Variants in RASGEF1C observed in about 807,000 individuals in gnomAD.
RASGEF1C encodes RasGEF domain family member 1C.
RASGEF1C carries 27 observed loss-of-function variants against 58.1 expected under a neutral mutation model. That is an observed-to-expected ratio of 0.46 (90% CI 0.34 to 0.64). RASGEF1C has a LOEUF of 0.64. Among genes scored for constraint, RASGEF1C ranks in the 30% least tolerant of loss-of-function variants. The pLI, the probability that RASGEF1C is intolerant of heterozygous loss-of-function variation, is 0.01. For missense variants in RASGEF1C, 502 were observed against 605.1 expected (o/e 0.83, Z 1.79); for synonymous variants, 243 against 246.3 (o/e 0.99, Z 0.13).
intron 1 of RASGEF1C, among the ~76,000 whole-genome samples, chr5:180,185,742 G>A (rs1756024252): frequency 6.6e-6 from 1 of 152,004 alleles, no homozygotes; most frequent in Non-Finnish European, 1.5e-5. Context: ...ACAAAAAATA[G>A]ATAACCTGAA....
Position 180,114,506 on chromosome 5 carries a change from G to A in RASGEF1C, c.1119C>T (p.Asp373=), listed in dbSNP as rs780173570. The A allele has an allele frequency of 1.9e-6, 3 of 1,612,582 alleles. No individual in the cohort carries two copies. Among genetic ancestry groups the A allele is most frequent in the African/African-American group, 2.7e-5 (2 of 74,898 alleles). Residue 373 remains aspartate (D), a synonymous_variant, in exon 11 of 14, where the codon GAC becomes GAT. Coordinates refer to ENST00000361132, the MANE Select transcript of RASGEF1C (RefSeq NM_175062.4). The part of the protein sequence containing the change: ...VIPFFSLLIK[D]IYFLNEGCAN... The stretch of plus-strand genomic sequence containing the variant: ...CGCAGCCCTCATTCAGGAAGTAGAT[G>A]TCTTTGATGAGCAGGCTGAAGAAAG...
chr5:180,171,139 C>T (rs992913569), intron 1 of RASGEF1C, among the ~76,000 whole-genome samples: 2 of 152,044 alleles, frequency 1.3e-5, no homozygotes, highest in African/African-American at 4.8e-5. Flanking sequence ...GAGTGGGACC[C>T]CCGAGGGCTT....
chr5:180,119,196 G>T, intron 8 of RASGEF1C, 150 bp downstream of exon 8: 1 of 700,098 alleles, frequency 1.4e-6, no homozygotes, highest in South Asian at 1.7e-5. Context: ...TGGGGACATG[G>T]GGCTGCCCAG....
intron 4 of RASGEF1C, among the ~76,000 whole-genome samples, chr5:180,132,974 A>G (rs1399954823): frequency 8.0e-5 from 12 of 150,772 alleles, no homozygotes; most frequent in Admixed American, 6.6e-5. Context: ...TCTCAGAAAA[A>G]AAAAAAAAAA....
intron 12 of RASGEF1C, among the ~76,000 whole-genome samples, chr5:180,109,761 GGAATAC>G (rs1179470859): frequency 6.6e-6 from 1 of 152,192 alleles, no homozygotes; most frequent in Non-Finnish European, 1.5e-5. Context: ...CCACAGCCAA[GGAATAC>G]AGGTGGCCAT....
rs1767013248 is a variant in RASGEF1C, at chr5:180,165,814, A to G, written c.-6-27756T>C. 4.3e-5 allele frequency among the ~76,000 whole-genome samples: 5 copies of G among 117,312 alleles called. No homozygotes were observed. In the South Asian group the frequency reaches 1.5e-3, roughly 35 times the overall value. The allele number at this position is 117,312 out of a possible 152,430, so 77.0% of individuals were successfully genotyped here. On this transcript the variant is annotated intron_variant, in intron 1 of 13. Coordinates refer to ENST00000361132, the MANE Select transcript of RASGEF1C (RefSeq NM_175062.4). ...ACCCAGGCTGGAGTGCAGTGGTGTG[A>G]TCTCGGCTCACTGCAAGCTCTGCCT...
intron 10 of RASGEF1C, among the ~76,000 whole-genome samples, chr5:180,115,054 A>C (rs1260396756): frequency 7.3e-5 from 11 of 151,574 alleles, no homozygotes; most frequent in Admixed American, 7.2e-4. Context: ...TCACTCTGTC[A>C]CCCAGGCTGG....
At chr5:180,120,952 A>G in intron 7 of RASGEF1C, 108 bp downstream of exon 7, 2 of 769,446 alleles carry the variant, frequency 2.6e-6, no homozygotes, top group Non-Finnish European at 4.6e-6. Flanking sequence ...TGGACTTAGA[A>G]ATGAATAAGA....
At chr5:180,193,733 T>A (rs975536787) in intron 1 of RASGEF1C, among the ~76,000 whole-genome samples, 1 of 152,238 alleles carries the variant, frequency 6.6e-6, no homozygotes, top group Non-Finnish European at 1.5e-5. Context: ...TGTAAAAAGA[T>A]ATTTTTGAAG....
chr5:180,181,683 T>TC (rs938982145), intron 1 of RASGEF1C, among the ~76,000 whole-genome samples: 19 of 152,270 alleles, frequency 1.2e-4, no homozygotes, highest in South Asian at 4.1e-4. Flanking sequence ...AGGGAATGTG[T>TC]CCCATGAGCC....
chr5:180,180,591 G>A (rs1241695809), intron 1 of RASGEF1C, among the ~76,000 whole-genome samples: 2 of 152,232 alleles, frequency 1.3e-5, no homozygotes, highest in African/African-American at 2.4e-5. Context: ...CAAAGCCGCT[G>A]CCCCAGACTG....
chr5:180,136,617 C>T, intron 3 of RASGEF1C, 102 bp from the exon 4 acceptor site: 4 of 1,315,126 alleles, frequency 3.0e-6, no homozygotes, highest in Non-Finnish European at 4.1e-6. Context: ...GCAGGCAGGG[C>T]CTCGTGCCCT....
chr5:180,119,358 T>C lies in RASGEF1C; in HGVS notation c.895A>G (p.Met299Val), dbSNP rs953587150. ...CCGGCCCACTCACAGATGATGGCCA[T>C]GAGGGAGTTGAAGTTGCCGATGTTG... ...CFNIGNFNSL[M>V]AIISGMNMSP... Residue 299 changes from methionine (M) to valine (V), a missense_variant, in exon 8 of 14, where the codon ATG (methionine) becomes GTG (valine). Physicochemically the swap from Met to Val is conservative, Grantham distance 21 (BLOSUM62 1). Coordinates refer to ENST00000361132, the MANE Select transcript of RASGEF1C (RefSeq NM_175062.4). 2.5e-6 allele frequency: 4 copies of C among 1,613,186 alleles called. No homozygotes were observed. Among genetic ancestry groups the C allele is most frequent in the African/African-American group, 1.3e-5 (1 of 74,912 alleles).
At chr5:180,203,908 G>A (rs549530776) in intron 1 of RASGEF1C, among the ~76,000 whole-genome samples, 4 of 152,038 alleles carry the variant, frequency 2.6e-5, no homozygotes, top group African/African-American at 7.2e-5. Flanking sequence ...CAGGAGAGTC[G>A]CTTGAACCTG....
intron 1 of RASGEF1C, among the ~76,000 whole-genome samples, chr5:180,173,718 G>T (rs58904495): frequency 0.013 from 2,047 of 152,178 alleles, 24 homozygotes; most frequent in African/African-American, 0.025. Context: ...TTTGAGACCA[G>T]CCTGGCCAAC....
intron 1 of RASGEF1C, among the ~76,000 whole-genome samples, chr5:180,169,740 C>A (rs947686448): frequency 6.6e-6 from 1 of 152,108 alleles, no homozygotes; most frequent in African/African-American, 2.4e-5. Flanking sequence ...GTCACACAAC[C>A]TGCCCTGGCC....
chr5:180,136,427 G>A lies in RASGEF1C; in HGVS notation c.389C>T (p.Thr130Ile), dbSNP rs1380711155. The change falls in exon 4 of 14, where the codon ACT becomes ATT. Residue 130 changes from threonine (T) to isoleucine (I), a missense_variant. Thr to Ile is a moderately conservative substitution (Grantham distance 89). Transcript: ENST00000361132. ...TFPRDFQEES[T>I]IGHLKDVVGR... ...CACGACGTCCTTAAGGTGCCCGATA[G>A]TCGACTCTTCCTGGAAGTCCCTTGG... 5.8e-6 allele frequency: 9 copies of A among 1,561,476 alleles called. No individual in the cohort carries two copies. The South Asian group carries it at 9.4e-5, about 16-fold the overall frequency.
chr5:180,205,383 A>C (rs1210917724), intron 1 of RASGEF1C, among the ~76,000 whole-genome samples: 1 of 152,194 alleles, frequency 6.6e-6, no homozygotes, highest in Non-Finnish European at 1.5e-5. Context: ...TTCATAAGAA[A>C]TAGGAAAAAC....
At chr5:180,170,207 G>A (rs1018113441) in intron 1 of RASGEF1C, among the ~76,000 whole-genome samples, 2 of 152,336 alleles carry the variant, frequency 1.3e-5, no homozygotes, top group South Asian at 2.1e-4. Context: ...CCCGGGATGC[G>A]GGAGGGGACC....
Sources: allele counts gnomAD v4.1 joint callset (sites outside exome capture counted in the v4.1 genomes callset), GRCh38; gene constraint gnomAD v4.1.1; transcripts MANE v1.5; gene names NCBI Gene and HGNC (gene_info 2026-07-23, HGNC 2026-07-21).